Variants in FREM2 observed in about 807,000 individuals in gnomAD.
FREM2 encodes FRAS1-related extracellular matrix protein 2.
Under a neutral mutation model 219.9 loss-of-function variants are expected in FREM2, and 119 were observed. The observed-to-expected ratio is 0.54, with a 90% CI of 0.47 to 0.63. The LOEUF (loss-of-function observed/expected upper bound fraction) is 0.63. Among genes scored for constraint, FREM2 ranks in the 30% least tolerant of loss-of-function variants. The probability of loss-of-function intolerance (pLI) is 0.00; values close to 1 mark genes in which losing one functional copy is unlikely to be tolerated. For synonymous variants in FREM2, 1,562 were observed against 1,522.8 expected, an observed-to-expected ratio of 1.03 and a Z score of -0.60; for missense variants, 4,030 against 3,993.6, an observed-to-expected ratio of 1.01 and a Z score of -0.25.
At chr13:38,717,402 T>G (rs1871049376) in intron 2 of FREM2, among the ~76,000 whole-genome samples, 1 of 146,464 alleles carries the variant, frequency 6.8e-6, no homozygotes, top group South Asian at 2.2e-4. Flanking sequence ...ATTAGAATTT[T>G]ACATAAGTAC....
intron 3 of FREM2, among the ~76,000 whole-genome samples, chr13:38,769,193 A>AT (rs924776875): frequency 3.9e-5 from 6 of 152,032 alleles, no homozygotes; most frequent in Middle Eastern, 3.4e-3. Flanking sequence ...AATGTTTCTT[A>AT]TTTTTTTTAT....
At chr13:38,880,217 CAA>C in intron 23 of FREM2, 65 bp from the exon 24 acceptor site, 1 of 1,479,188 alleles carries the variant, frequency 6.8e-7, no homozygotes, top group Non-Finnish European at 9.4e-7. Context: ...ATTTCTCTTG[CAA>C]AGAGTCGTGG....
chr13:38,805,138 T>C (rs1435479992), intron 6 of FREM2, among the ~76,000 whole-genome samples: 1 of 151,988 alleles, frequency 6.6e-6, no homozygotes, highest in Non-Finnish European at 1.5e-5. Context: ...TGAAGCACAT[T>C]TATTTGATAG....
intron 6 of FREM2, among the ~76,000 whole-genome samples, chr13:38,814,924 T>C (rs943624545): frequency 2.6e-5 from 4 of 152,264 alleles, no homozygotes; most frequent in Middle Eastern, 3.4e-3. Flanking sequence ...TCTTAGCTTG[T>C]GGTGAATGCT....
chr13:38,819,284 C>G (rs1226502273), intron 6 of FREM2, among the ~76,000 whole-genome samples: 1 of 152,158 alleles, frequency 6.6e-6, no homozygotes, highest in Non-Finnish European at 1.5e-5. Flanking sequence ...TTCCACTGCA[C>G]ACACACAAGC....
At chr13:38,837,005 G>C (rs1428542406) in intron 6 of FREM2, among the ~76,000 whole-genome samples, 1 of 152,026 alleles carries the variant, frequency 6.6e-6, no homozygotes, top group Non-Finnish European at 1.5e-5. Flanking sequence ...GTTTTCTCTT[G>C]CTTCTTTAGT....
intron 6 of FREM2, among the ~76,000 whole-genome samples, chr13:38,831,853 C>G (rs1171953682): frequency 6.6e-6 from 1 of 151,452 alleles, no homozygotes; most frequent in Non-Finnish European, 1.5e-5. Flanking sequence ...CTCCTGACCT[C>G]AGATAATCTG....
intron 6 of FREM2, among the ~76,000 whole-genome samples, chr13:38,788,579 G>T (rs17058605): frequency 6.6e-6 from 1 of 152,006 alleles, no homozygotes; most frequent in East Asian, 1.9e-4. Flanking sequence ...ATTGACTTAC[G>T]GTCCCTAGGA....
chr13:38,730,778 AAAAT>A (rs1871733619), intron 2 of FREM2, among the ~76,000 whole-genome samples: 1 of 152,222 alleles, frequency 6.6e-6, no homozygotes, highest in Admixed American at 6.5e-5. Context: ...TTATAAGTGA[AAAAT>A]AAAATGAAAC....
In FREM2 at chr13:38,689,260, C is replaced by T. The variant is rs774584521; in HGVS notation, c.1916C>T (p.Thr639Ile). 6 of 1,613,962 alleles carry T rather than the reference C, an allele frequency of 3.7e-6. No individual in the cohort carries two copies. Among genetic ancestry groups the T allele is most frequent in the Non-Finnish European group, 4.2e-6 (5 of 1,180,016 alleles). Residue 639 changes from threonine to isoleucine, a missense_variant, in exon 1 of 24, where the codon ACA becomes ATA. Physicochemically the swap from Thr to Ile is moderately conservative, Grantham distance 89. Transcript: ENST00000280481. Reference protein sequence around the residue: ...WRKEGAFYERTVTEWQQQDIT... With the variant: ...WRKEGAFYERIVTEWQQQDIT... ...AAGGAGGGGGCATTTTATGAGCGAA[C>T]AGTGACAGAGTGGCAGCAGCAGGAC...
chr13:38,709,117 G>A (rs1367298081), intron 2 of FREM2, among the ~76,000 whole-genome samples: 1 of 152,140 alleles, frequency 6.6e-6, no homozygotes, highest in East Asian at 1.9e-4. Context: ...AAACTGTGCA[G>A]GTCTGACCCA....
rs766039620 is a variant in FREM2 at position 38,687,701 on chromosome 13, G to A, written c.357G>A (p.Pro119=). The A allele has an allele frequency of 6.4e-7, 1 of 1,570,882 alleles. No homozygotes were observed. Among genetic ancestry groups the A allele is most frequent in the Non-Finnish European group, 8.7e-7 (1 of 1,155,942 alleles). The change falls in exon 1 of 24, where the codon CCG becomes CCA. Residue 119 remains proline (P), a synonymous_variant. Transcript: ENST00000280481. ...VLDNDALAQR[P]GRLSPKRFPC... ...ACAACGACGCACTGGCCCAGCGACC[G>A]GGCCGCCTGAGTCCCAAGCGCTTCC...
At chr13:38,752,866 G>C (rs368313687) in intron 2 of FREM2, among the ~76,000 whole-genome samples, 23 of 152,286 alleles carry the variant, frequency 1.5e-4, no homozygotes, top group African/African-American at 5.5e-4. Flanking sequence ...GAAGTGTAGA[G>C]AACCACTGCT....
intron 6 of FREM2, among the ~76,000 whole-genome samples, chr13:38,835,870 A>C (rs1035486562): frequency 6.6e-6 from 1 of 152,244 alleles, no homozygotes; most frequent in East Asian, 1.9e-4. Flanking sequence ...TTCTAAATAT[A>C]CAATCATGTC....
intron 4 of FREM2, among the ~76,000 whole-genome samples, chr13:38,773,110 A>G (rs571696838): frequency 3.9e-4 from 59 of 152,340 alleles, no homozygotes; most frequent in African/African-American, 1.4e-3. Flanking sequence ...TATAGTTGTT[A>G]TATAGGTGAA....
intron 2 of FREM2, among the ~76,000 whole-genome samples, chr13:38,707,417 T>C (rs1207391208): frequency 1.3e-5 from 2 of 152,178 alleles, no homozygotes; most frequent in African/African-American, 4.8e-5. Context: ...CATGCTAAGC[T>C]TAGAAAATAG....
At chr13:38,810,178 G>T (rs1322007689) in intron 6 of FREM2, among the ~76,000 whole-genome samples, 1 of 151,898 alleles carries the variant, frequency 6.6e-6, no homozygotes, top group Non-Finnish European at 1.5e-5. Flanking sequence ...TTTGTATCCT[G>T]CAACTCTAAT....
At chr13:38,833,938 G>A (rs777397451) in intron 6 of FREM2, among the ~76,000 whole-genome samples, 25 of 152,062 alleles carry the variant, frequency 1.6e-4, no homozygotes, top group Non-Finnish European at 3.1e-4. Context: ...TTTGTTTTGA[G>A]CACAGTCCTC....
At chr13:38,838,892 T>C (rs1876827610) in intron 6 of FREM2, among the ~76,000 whole-genome samples, 1 of 152,200 alleles carries the variant, frequency 6.6e-6, no homozygotes, top group African/African-American at 2.4e-5. Flanking sequence ...CTTCCTTGCA[T>C]TGGGTTAGAG....
Sources: allele counts gnomAD v4.1 joint callset (sites outside exome capture counted in the v4.1 genomes callset), GRCh38; gene constraint gnomAD v4.1.1; transcripts MANE v1.5; gene names NCBI Gene and HGNC (gene_info 2026-07-23, HGNC 2026-07-21).